LIN28B: variants seen among roughly 807,000 people sequenced by gnomAD.
The protein encoded by LIN28B is protein lin-28 homolog B.
Under a neutral mutation model 21.9 loss-of-function variants are expected in LIN28B, and 5 were observed. The observed-to-expected ratio is 0.23, with a 90% CI of 0.12 to 0.48. The LOEUF (loss-of-function observed/expected upper bound fraction) is 0.48. LIN28B is among the 20% of genes least tolerant of loss of function. The pLI, the probability that LIN28B is intolerant of heterozygous loss-of-function variation, is 0.98. For synonymous variants in LIN28B, 109 were observed against 111.3 expected, an observed-to-expected ratio of 0.98 and a Z score of 0.13; for missense variants, 245 against 310.5, an observed-to-expected ratio of 0.79 and a Z score of 1.58.
intron 3 of LIN28B, among the ~76,000 whole-genome samples, chr6:105,058,345 T>C (rs75962541): frequency 0.015 from 2,282 of 152,322 alleles, 63 homozygotes; most frequent in African/African-American, 0.053. Flanking sequence ...TACTTTTCAT[T>C]GGTCTTTACA....
chr6:105,080,990 C>CA lies in LIN28B; in HGVS notation c.*2209dup, dbSNP rs1772532899. On this transcript the variant is annotated 3_prime_UTR_variant, in exon 4 of 4. Transcript: ENST00000345080. ...TTGAGAACTATGGTCTTTATGGGTG[C>CA]AATTTGAAATCCTTTTCATCATCTT... 2 of 152,466 alleles carry CA rather than the reference C, an allele frequency of 1.3e-5. No homozygotes were observed. The highest frequency in any genetic ancestry group is 4.8e-5 in the African/African-American group (2 of 41,414). The allele number at this position is 152,466 out of a possible 1,614,324, so 9.4% of individuals were successfully genotyped here. A position where few individuals can be genotyped will look rare whatever the true frequency, so the allele number is the denominator to read the frequency against.
chr6:105,032,868 T>G (rs754618800), intron 3 of LIN28B, among the ~76,000 whole-genome samples: 6 of 152,210 alleles, frequency 3.9e-5, no homozygotes, highest in Non-Finnish European at 7.3e-5. Context: ...GACAAACTGT[T>G]TCTTCATATC....
At chr6:105,058,143 G>A (rs988665665) in intron 3 of LIN28B, 1 of 354,580 alleles carries the variant, frequency 2.8e-6, no homozygotes, top group Admixed American at 3.9e-5. Context: ...CATGTTCCTA[G>A]AGGTACTTGT....
chr6:104,937,517 G>A (rs1260840182), intron 2 of LIN28B, among the ~76,000 whole-genome samples: 1 of 152,048 alleles, frequency 6.6e-6, no homozygotes, highest in African/African-American at 2.4e-5. Context: ...TGCCCGCCTC[G>A]GCCTCCCAAA....
chr6:105,055,332 A>G lies in LIN28B; in HGVS notation c.384-23082A>G, dbSNP rs147631330. Among the ~76,000 whole-genome samples, 6 of 152,276 alleles carry G rather than the reference A, an allele frequency of 3.9e-5. No homozygotes were observed. In the East Asian group the frequency reaches 9.6e-4, roughly 24 times the overall value. On this transcript the variant is annotated intron_variant, in intron 3 of 3. Coordinates refer to ENST00000345080, the MANE Select transcript of LIN28B (RefSeq NM_001004317.4). Reference sequence around the variant, plus strand: ...ATTTCATATTGTCCCTCGTGTCACTATGAATAACAGTATCTTAAACATATT... The same window carrying G: ...ATTTCATATTGTCCCTCGTGTCACTGTGAATAACAGTATCTTAAACATATT...
chr6:105,023,557 A>ATAT (rs1554188231), intron 2 of LIN28B, among the ~76,000 whole-genome samples: 1 of 382 alleles, frequency 2.6e-3, no homozygotes, highest in African/African-American at 8.8e-3. Flanking sequence ...TATAACCTAT[A>ATAT]TATATATATA....
At chr6:104,990,512 G>A (rs1041463448) in intron 2 of LIN28B, among the ~76,000 whole-genome samples, 5 of 150,122 alleles carry the variant, frequency 3.3e-5, no homozygotes, top group African/African-American at 2.4e-5. Context: ...TGTAAATGTC[G>A]TATATATTAG....
chr6:104,991,097 C>T (rs533179156), intron 2 of LIN28B, among the ~76,000 whole-genome samples: 14 of 152,244 alleles, frequency 9.2e-5, no homozygotes, highest in South Asian at 2.1e-4. Flanking sequence ...GACGGGGTGG[C>T]GGCGGGCAGA....
chr6:105,009,377 T>A (rs1018644224), intron 2 of LIN28B, among the ~76,000 whole-genome samples: 4 of 152,148 alleles, frequency 2.6e-5, no homozygotes, highest in African/African-American at 9.7e-5. Flanking sequence ...TCCAGAGTTT[T>A]AAAGATAGAA....
At chr6:105,033,712 T>C (rs1293448201) in intron 3 of LIN28B, among the ~76,000 whole-genome samples, 1 of 151,898 alleles carries the variant, frequency 6.6e-6, no homozygotes, top group Non-Finnish European at 1.5e-5. Flanking sequence ...GTGAAGATTG[T>C]TAATAAAAAA....
At chr6:105,023,322 AAT>A (rs1339964225) in intron 2 of LIN28B, among the ~76,000 whole-genome samples, 20 of 38,976 alleles carry the variant, frequency 5.1e-4, no homozygotes, top group African/African-American at 1.9e-3. Flanking sequence ...TATTATATAT[AAT>A]ATATATAATT....
intron 3 of LIN28B, among the ~76,000 whole-genome samples, chr6:105,040,565 A>T (rs72926224): frequency 6.6e-6 from 1 of 152,142 alleles, no homozygotes; most frequent in Non-Finnish European, 1.5e-5. Flanking sequence ...ACAAATACAC[A>T]TTATATGTAT....
chr6:104,941,700 G>T (rs1458837425), intron 2 of LIN28B, among the ~76,000 whole-genome samples: 1 of 152,180 alleles, frequency 6.6e-6, no homozygotes, highest in African/African-American at 2.4e-5. Context: ...TAAAATTAAG[G>T]ATTTTGAAAA....
intron 2 of LIN28B, among the ~76,000 whole-genome samples, chr6:105,004,565 G>A (rs1271525588): frequency 6.6e-6 from 1 of 151,980 alleles, no homozygotes; most frequent in Non-Finnish European, 1.5e-5. Context: ...TTCCAAAAAT[G>A]AAAGTTTAGC....
intron 2 of LIN28B, among the ~76,000 whole-genome samples, chr6:105,016,188 T>C (rs1241246629): frequency 2.0e-5 from 3 of 152,078 alleles, no homozygotes; most frequent in African/African-American, 4.8e-5. Flanking sequence ...TTCTTGTGAT[T>C]CATTGTGTCA....
In LIN28B at chr6:105,027,269, G is replaced by A. The variant is rs575531494; in HGVS notation, c.383+787G>A. On this transcript the variant is annotated intron_variant, in intron 3 of 3. Transcript: ENST00000345080. ...ACTACTCTCCAGAAATGATTAGCGG[G>A]CCAGTATGTAACACCTCTGAAAGTG... 9.9e-5 allele frequency among the ~76,000 whole-genome samples: 15 copies of A among 152,162 alleles called. No individual in the cohort carries two copies. In the South Asian group the frequency reaches 3.1e-3, roughly 32 times the overall value.
At chr6:104,991,528 A>G (rs1770479142) in intron 2 of LIN28B, among the ~76,000 whole-genome samples, 1 of 147,696 alleles carries the variant, frequency 6.8e-6, no homozygotes, top group Non-Finnish European at 1.5e-5. Flanking sequence ...CACTTCCCAG[A>G]CTGGGCAGCC....
intron 2 of LIN28B, among the ~76,000 whole-genome samples, chr6:105,002,563 A>C (rs1175237065): frequency 2.0e-5 from 3 of 152,214 alleles, no homozygotes; most frequent in Non-Finnish European, 4.4e-5. Context: ...CAGTATTTTA[A>C]GCGTGCAGTA....
chr6:105,065,665 G>C (rs1386744425), intron 3 of LIN28B, among the ~76,000 whole-genome samples: 1 of 152,164 alleles, frequency 6.6e-6, no homozygotes, highest in Non-Finnish European at 1.5e-5. Context: ...TCATTGCTGT[G>C]TAGCTGTCAA....
Sources: allele counts gnomAD v4.1 joint callset (sites outside exome capture counted in the v4.1 genomes callset), GRCh38; gene constraint gnomAD v4.1.1; transcripts MANE v1.5; gene names NCBI Gene and HGNC (gene_info 2026-07-23, HGNC 2026-07-21).